Variants in CDH13 observed in about 807,000 individuals in gnomAD.
CDH13 encodes cadherin-13.
In CDH13, 24 loss-of-function variants were observed where a neutral mutation model predicts 63.8. The observed-to-expected ratio is 0.38, with a 90% CI of 0.27 to 0.53. The LOEUF (loss-of-function observed/expected upper bound fraction) is 0.53, where lower values mean the gene tolerates loss of function less well. Ranked by LOEUF, CDH13 falls within the 20% of genes least tolerant of loss-of-function variation. The pLI, the probability that CDH13 is intolerant of heterozygous loss-of-function variation, is 0.85. For missense variants in CDH13, 1,049 were observed against 903.1 expected, an observed-to-expected ratio of 1.16 and a Z score of -2.07; for synonymous variants, 503 against 355.3, an observed-to-expected ratio of 1.42 and a Z score of -4.67.
At chr16:83,460,630 G>A (rs2073151603) in intron 6 of CDH13, among the ~76,000 whole-genome samples, 1 of 152,046 alleles carries the variant, frequency 6.6e-6, no homozygotes, top group South Asian at 2.1e-4. Context: ...CAAAAAAACA[G>A]GAAAAACTAT....
At chr16:83,245,644 T>TTAGA (rs1296314778) in intron 5 of CDH13, among the ~76,000 whole-genome samples, 2 of 152,268 alleles carry the variant, frequency 1.3e-5, no homozygotes, top group African/African-American at 4.8e-5. Flanking sequence ...TGCAGTAGAC[T>TTAGA]TAGATTACAT....
intron 5 of CDH13, among the ~76,000 whole-genome samples, chr16:83,290,859 C>T (rs990846199): frequency 6.6e-6 from 1 of 152,108 alleles, no homozygotes; most frequent in Non-Finnish European, 1.5e-5. Context: ...CCTGACTGTT[C>T]TCTCTGCCTA....
intron 1 of CDH13, among the ~76,000 whole-genome samples, chr16:82,777,609 A>G (rs974344874): frequency 6.6e-6 from 1 of 152,214 alleles, no homozygotes; most frequent in African/African-American, 2.4e-5. Flanking sequence ...AAAACTTAGC[A>G]GCTTAAAACC....
At chr16:82,736,510 G>A (rs2033681243) in intron 1 of CDH13, among the ~76,000 whole-genome samples, 1 of 152,090 alleles carries the variant, frequency 6.6e-6, no homozygotes, top group Non-Finnish European at 1.5e-5. Context: ...ACAGAGCACT[G>A]CCACACACAG....
intron 6 of CDH13, among the ~76,000 whole-genome samples, chr16:83,478,346 C>G (rs927343247): frequency 3.9e-5 from 6 of 152,156 alleles, no homozygotes; most frequent in Non-Finnish European, 5.9e-5. Flanking sequence ...TGTATGGGCA[C>G]TGGGTGAGTA....
At chr16:83,456,334 C>A (rs1341073295) in intron 6 of CDH13, among the ~76,000 whole-genome samples, 1 of 152,204 alleles carries the variant, frequency 6.6e-6, no homozygotes, top group African/African-American at 2.4e-5. Flanking sequence ...TGGTTGAGCA[C>A]AGTGAGGCCC....
intron 1 of CDH13, among the ~76,000 whole-genome samples, chr16:82,798,594 A>G (rs2036700469): frequency 6.6e-6 from 1 of 152,172 alleles, no homozygotes; most frequent in Non-Finnish European, 1.5e-5. Flanking sequence ...CTAATTACTC[A>G]GGGCTGTTTT....
intron 1 of CDH13, among the ~76,000 whole-genome samples, chr16:82,722,406 C>T (rs1438095989): frequency 2.0e-5 from 3 of 152,116 alleles, no homozygotes; most frequent in Non-Finnish European, 2.9e-5. Flanking sequence ...AATTTCACAA[C>T]CCCAGCAGAG....
At chr16:83,301,047 TTTGA>T in intron 5 of CDH13, among the ~76,000 whole-genome samples, 1 of 143,922 alleles carries the variant, frequency 6.9e-6, no homozygotes, top group African/African-American at 2.7e-5. Context: ...TTTTTTTTTT[TTTGA>T]GACAGAGCCT....
chr16:83,281,016 TG>T (rs2151856159), intron 5 of CDH13, among the ~76,000 whole-genome samples: 1 of 152,350 alleles, frequency 6.6e-6, no homozygotes, highest in East Asian at 1.9e-4. Flanking sequence ...AATAAGCATT[TG>T]CTTCAATTTT....
intron 6 of CDH13, among the ~76,000 whole-genome samples, chr16:83,428,872 C>G (rs556483990): frequency 7.9e-5 from 12 of 152,276 alleles, no homozygotes; most frequent in East Asian, 3.9e-4. Flanking sequence ...AGGCACTATT[C>G]TTGGTTTATT....
intron 1 of CDH13, among the ~76,000 whole-genome samples, chr16:82,842,028 G>A (rs1322298746): frequency 2.7e-5 from 4 of 147,804 alleles, no homozygotes; most frequent in Admixed American, 1.4e-4. Context: ...ACCCCTCACT[G>A]CTAGAAGAAT....
chr16:83,714,265 C>T (rs1908549276), intron 10 of CDH13, among the ~76,000 whole-genome samples: 1 of 152,142 alleles, frequency 6.6e-6, no homozygotes, highest in Non-Finnish European at 1.5e-5. Flanking sequence ...TGTCTTGCCC[C>T]AAGTGCTATT....
chr16:83,199,240 C>G (rs2038959014), intron 4 of CDH13, among the ~76,000 whole-genome samples: 1 of 152,240 alleles, frequency 6.6e-6, no homozygotes, highest in African/African-American at 2.4e-5. Flanking sequence ...TGTGAGCATG[C>G]TTGTCTGCTC....
intron 7 of CDH13, among the ~76,000 whole-genome samples, chr16:83,589,356 C>G (rs1185570844): frequency 6.9e-6 from 1 of 145,448 alleles, no homozygotes; most frequent in African/African-American, 2.5e-5. Context: ...CCTCCTCCCT[C>G]CCTTGCCCTC....
rs745328598 is a variant in CDH13 at position 83,783,400 on chromosome 16, G to C, written c.2062G>C (p.Asp688His). The change falls in exon 13 of 14, where the codon GAC becomes CAC. Residue 688 changes from aspartate (D) to histidine (H), a missense_variant. By Grantham distance (81) the Asp-to-His change is moderately conservative (BLOSUM62 -1). Transcript: ENST00000567109. ...GTGCTCCTGCAGGAATTCCAAAGTGGACTGCAACGCGGCAGGGGCCCTGCG... is the reference window on the plus strand; with the variant it reads ...GTGCTCCTGCAGGAATTCCAAAGTGCACTGCAACGCGGCAGGGGCCCTGCG... ...QVCSCRNSKVDCNAAGALRFS... is the reference protein window; with the variant it reads ...QVCSCRNSKVHCNAAGALRFS... 2 of 1,614,010 alleles carry C rather than the reference G, an allele frequency of 1.2e-6. No individual in the cohort carries two copies. The highest frequency in any genetic ancestry group is 2.2e-5 in the East Asian group (1 of 44,876).
At chr16:83,721,204 A>C (rs920346343) in intron 10 of CDH13, 1 of 152,208 alleles carries the variant, frequency 6.6e-6, no homozygotes, top group African/African-American at 2.4e-5. Flanking sequence ...CATCCAGAAC[A>C]GTTTAATTGG....
At chr16:83,478,362 G>A (rs1472966398) in intron 6 of CDH13, among the ~76,000 whole-genome samples, 1 of 152,124 alleles carries the variant, frequency 6.6e-6, no homozygotes, top group East Asian at 1.9e-4. Context: ...GAGTAGGTGA[G>A]CTTCTCACTC....
At chr16:82,922,473 C>A (rs533590531) in intron 2 of CDH13, among the ~76,000 whole-genome samples, 1 of 152,284 alleles carries the variant, frequency 6.6e-6, no homozygotes, top group African/African-American at 2.4e-5. Flanking sequence ...TTGTTGCCCC[C>A]ATCCTAGAAC....
Sources: gnomAD v4.1 joint callset for allele counts (sites outside exome capture counted in the v4.1 genomes callset) on GRCh38, gnomAD v4.1.1 for gene constraint, MANE v1.5 for transcripts, NCBI Gene and HGNC (gene_info 2026-07-23, HGNC 2026-07-21) for gene names.